The following KIF26B variants were observed in gnomAD, a reference collection of about 807,000 sequenced individuals.
KIF26B encodes kinesin family member 26B.
KIF26B carries 63 observed loss-of-function variants against 151.2 expected under a neutral mutation model. That is an observed-to-expected ratio of 0.42 (90% CI 0.34 to 0.51). The LOEUF (loss-of-function observed/expected upper bound fraction) is 0.51, where lower values mean the gene tolerates loss of function less well. Ranked by LOEUF, KIF26B falls within the 20% of genes least tolerant of loss-of-function variation. KIF26B has a pLI of 0.07. For missense variants in KIF26B, 2,813 were observed against 2,913.6 expected (o/e 0.97, Z 0.79); for synonymous variants, 1,357 against 1,262.1 (o/e 1.08, Z -1.59).
At chr1:245,287,300 G>A (rs2102971259) in intron 2 of KIF26B, among the ~76,000 whole-genome samples, 2 of 151,950 alleles carry the variant, frequency 1.3e-5, no homozygotes, top group South Asian at 4.2e-4. Context: ...TCGTGTACTG[G>A]TTAATGTTTG....
intron 10 of KIF26B, among the ~76,000 whole-genome samples, chr1:245,683,401 A>C (rs151328481): frequency 6.6e-6 from 1 of 152,234 alleles, no homozygotes; most frequent in African/African-American, 2.4e-5. Context: ...TGAAATAAAC[A>C]GAGGCCTTTA....
chr1:245,662,565 C>CAG, intron 10 of KIF26B, among the ~76,000 whole-genome samples: 1 of 78,964 alleles, frequency 1.3e-5, no homozygotes, highest in South Asian at 4.7e-4. Context: ...TATATATACA[C>CAG]ACACCCTATA....
At chr1:245,492,517 C>CCAA (rs923694754) in intron 4 of KIF26B, among the ~76,000 whole-genome samples, 9 of 152,162 alleles carry the variant, frequency 5.9e-5, no homozygotes, top group Non-Finnish European at 7.3e-5. Flanking sequence ...TAAAACAAAG[C>CCAA]CAACATTACA....
At chr1:245,308,568 T>C (rs1573766386) in intron 2 of KIF26B, among the ~76,000 whole-genome samples, 4 of 152,090 alleles carry the variant, frequency 2.6e-5, no homozygotes, top group Middle Eastern at 6.8e-3. Flanking sequence ...TTCTACAAAA[T>C]ACAAAATAAA....
At chr1:245,684,728 T>C (rs2044487098) in intron 11 of KIF26B, among the ~76,000 whole-genome samples, 1 of 152,256 alleles carries the variant, frequency 6.6e-6, no homozygotes, top group African/African-American at 2.4e-5. Flanking sequence ...GTTTTTCTCA[T>C]GCATGGCCTC....
At chr1:245,240,466 G>A (rs1202104092) in intron 2 of KIF26B, among the ~76,000 whole-genome samples, 5 of 152,014 alleles carry the variant, frequency 3.3e-5, no homozygotes, top group Non-Finnish European at 7.4e-5. Context: ...CTGCATTTTC[G>A]GTTCGTTTAG....
At chr1:245,435,982 G>T (rs1360041790) in intron 4 of KIF26B, among the ~76,000 whole-genome samples, 5 of 152,136 alleles carry the variant, frequency 3.3e-5, no homozygotes, top group Non-Finnish European at 7.4e-5. Flanking sequence ...TTCGAGACCA[G>T]CCTGGCCAAC....
chr1:245,154,998 G>T lies in KIF26B; in HGVS notation c.-427G>T. On this transcript the variant is annotated 5_prime_UTR_variant, in exon 1 of 15. Transcript: ENST00000407071. ...TTCTTTGAACTCAGTTACCAAGCTC[G>T]GTGAAGGAGACAAGTTCCCACAGCT... is the stretch of plus-strand genomic sequence containing the variant. 1 of 415,460 alleles carries T rather than the reference G, an allele frequency of 2.4e-6. No individual in the cohort carries two copies. Among genetic ancestry groups the T allele is most frequent in the Non-Finnish European group, 4.2e-6 (1 of 238,402 alleles). The allele number at this position is 415,460 out of a possible 1,614,324, so 25.7% of individuals were successfully genotyped here.
At chr1:245,674,403 T>C (rs2044332129) in intron 10 of KIF26B, among the ~76,000 whole-genome samples, 2 of 152,130 alleles carry the variant, frequency 1.3e-5, no homozygotes, top group African/African-American at 2.4e-5. Flanking sequence ...AATCTGATCC[T>C]GCAGGTGGAT....
In KIF26B at chr1:245,702,369, G is replaced by A; in HGVS notation, c.6179-89G>A. 6.9e-7 allele frequency: 1 copy of A among 1,443,120 alleles called. No individual in the cohort carries two copies. The highest frequency in any genetic ancestry group is 9.6e-7 in the Non-Finnish European group (1 of 1,038,830). The allele number at this position is 1,443,120 out of a possible 1,614,324, so 89.4% of individuals were successfully genotyped here. A position where few individuals can be genotyped will look rare whatever the true frequency, so the allele number is the denominator to read the frequency against. On this transcript the variant is annotated intron_variant, in intron 14 of 14. Transcript: ENST00000407071. The surrounding 1 kb of genome is among the most constrained non-coding windows in gnomAD (Gnocchi z 4.1). ...TAGACCTTTAGACCAAGGGGTAGAT[G>A]TGGGGGTGGCAGCTCCAGGCTGAGC...
At chr1:245,334,860 A>G (rs11803433) in intron 2 of KIF26B, among the ~76,000 whole-genome samples, 39,069 of 151,948 alleles carry the variant, frequency 0.26, 7,453 homozygotes, top group African/African-American at 0.51. Context: ...CTGCCGTTCC[A>G]TTTTCATAGA....
rs1466911778 is a variant in KIF26B at position 245,486,522 on chromosome 1, T to A, written c.1167-54245T>A. Reference sequence around the variant, plus strand: ...GTGCTCACGGCAATCCAGTAGTTATTATAGAGCTTTTAAATACGTAAGATA... The same window carrying A: ...GTGCTCACGGCAATCCAGTAGTTATAATAGAGCTTTTAAATACGTAAGATA... On this transcript the variant is annotated intron_variant, in intron 4 of 14. Transcript: ENST00000407071. Among the ~76,000 whole-genome samples, 3 of 152,208 alleles carry A rather than the reference T, an allele frequency of 2.0e-5. No homozygotes were observed. In the South Asian group the frequency reaches 6.2e-4, roughly 31 times the overall value.
At position 245,359,874 on chromosome 1, in the gene KIF26B, CTTTT is replaced by C. The variant is rs766845350; in HGVS notation, c.466-6949_466-6946del. ...TTGTGATTTCTTTCTTTCTTTCTTTCTTTTTTTTTTTTTTCTGAGACAGGGTCTC... is the reference window on the plus strand; with the variant it reads ...TTGTGATTTCTTTCTTTCTTTCTTTCTTTTTTTTTTCTGAGACAGGGTCTC... On this transcript the variant is annotated intron_variant, in intron 2 of 14. Transcript: ENST00000407071. Among the ~76,000 whole-genome samples the C allele has an allele frequency of 3.1e-3, 439 of 139,608 alleles. 4 individuals carry two copies. Among genetic ancestry groups the C allele is most frequent in the Non-Finnish European group, 4.8e-3 (313 of 64,936 alleles). The allele number at this position is 139,608 out of a possible 152,430, so 91.6% of individuals were successfully genotyped here.
chr1:245,640,846 T>G (rs2043884512), intron 9 of KIF26B, among the ~76,000 whole-genome samples: 1 of 152,208 alleles, frequency 6.6e-6, no homozygotes, highest in African/African-American at 2.4e-5. Context: ...AAATTTTTGA[T>G]GTCACAAGAT....
chr1:245,689,327 G>A (rs1483386045), intron 12 of KIF26B, among the ~76,000 whole-genome samples: 2 of 152,194 alleles, frequency 1.3e-5, no homozygotes, highest in Non-Finnish European at 2.9e-5. Flanking sequence ...GGCTTCAGAA[G>A]CCCCTCCTGT....
chr1:245,209,930 G>A (rs1277572364), intron 2 of KIF26B, among the ~76,000 whole-genome samples: 1 of 152,246 alleles, frequency 6.6e-6, no homozygotes, highest in Non-Finnish European at 1.5e-5. Flanking sequence ...CCCGTAAGAA[G>A]ATACTGGGGT....
intron 4 of KIF26B, among the ~76,000 whole-genome samples, chr1:245,508,070 C>T (rs1298945201): frequency 6.6e-6 from 1 of 152,128 alleles, no homozygotes; most frequent in Non-Finnish European, 1.5e-5. Flanking sequence ...TTTTCTGAGC[C>T]ATGATTCCTC....
At chr1:245,403,777 T>C (rs1008140581) in intron 3 of KIF26B, among the ~76,000 whole-genome samples, 2 of 152,238 alleles carry the variant, frequency 1.3e-5, no homozygotes, top group Non-Finnish European at 2.9e-5. Flanking sequence ...GCAAATAGCA[T>C]AGTTTTTAAT....
rs1244539189 is a variant in KIF26B, at chr1:245,688,102, G to A, written c.5119G>A (p.Gly1707Arg). Reference sequence around the variant, plus strand: ...CAAGGACGGCACCATGCCCCGCGCGGGGAGGAGCCTGGGCCGCAGCGCCGG... The same window carrying A: ...CAAGGACGGCACCATGCCCCGCGCGAGGAGGAGCCTGGGCCGCAGCGCCGG... ...AGKDGTMPRA[G>R]RSLGRSAGTS... Residue 1707 changes from glycine to arginine, a missense_variant, in exon 12 of 15, where the codon GGG (glycine) becomes AGG (arginine). Physicochemically the swap from Gly to Arg is moderately radical, Grantham distance 125. Around this residue, in one of 3 missense-constraint regions of KIF26B, gnomAD observed 2,060 missense variants for 2,088.6 expected, o/e 0.99. Coordinates refer to ENST00000407071, the MANE Select transcript of KIF26B (RefSeq NM_018012.4). The A allele has an allele frequency of 4.5e-6, 7 of 1,556,310 alleles. No homozygotes were observed. Among genetic ancestry groups the A allele is most frequent in the Non-Finnish European group, 6.1e-6 (7 of 1,153,336 alleles).
Sources: gnomAD v4.1 joint callset for allele counts (sites outside exome capture counted in the v4.1 genomes callset) on GRCh38, gnomAD v4.1.1 for gene constraint, gnomAD v4.1.1 regional missense constraint, Gnocchi (gnomAD v3.1) non-coding constraint, MANE v1.5 for transcripts, NCBI Gene and HGNC (gene_info 2026-07-23, HGNC 2026-07-21) for gene names.